Variants in SEPTIN7 observed in about 807,000 individuals in gnomAD.
SEPTIN7 encodes septin-7.
SEPTIN7 carries 10 observed loss-of-function variants against 63.3 expected under a neutral mutation model. The observed-to-expected ratio is 0.16, with a 90% CI of 0.10 to 0.27. SEPTIN7 has a LOEUF of 0.27. SEPTIN7 is among the 10% of genes least tolerant of loss of function. SEPTIN7 has a pLI of 1.00. For missense variants in SEPTIN7, 310 were observed against 521.0 expected (o/e 0.59, Z 3.94); for synonymous variants, 131 against 165.3 (o/e 0.79, Z 1.59).
At chr7:35,860,598 A>G (rs1196848431) in intron 3 of SEPTIN7, among the ~76,000 whole-genome samples, 1 of 152,162 alleles carries the variant, frequency 6.6e-6, no homozygotes, top group Non-Finnish European at 1.5e-5. Context: ...CTTGTTTTTA[A>G]TGGTCAGTTT....
At chr7:35,848,424 T>C (rs12701464) in intron 3 of SEPTIN7, among the ~76,000 whole-genome samples, 53,354 of 151,744 alleles carry the variant, frequency 0.35, 9,825 homozygotes, top group East Asian at 0.48. Flanking sequence ...CCCACCACCA[T>C]GCCCAGCTAA....
chr7:35,872,749 A>T lies in SEPTIN7; in HGVS notation c.360A>T (p.Ala120=). The part of the protein sequence containing the change: ...TIVDTPGFGD[A]VDNSNCWQPV... ...TTGATACCCCAGGATTTGGAGATGC[A>T]GTGGATAATAGTAATTGGTAAGAAG... Residue 120 remains alanine, a synonymous_variant, in exon 5 of 14, where the codon GCA becomes GCT. Transcript: ENST00000350320. 6.2e-7 allele frequency: 1 copy of T among 1,608,922 alleles called. No homozygotes were observed. The highest frequency in any genetic ancestry group is 8.5e-7 in the Non-Finnish European group (1 of 1,175,350).
At chr7:35,859,396 T>A (rs568136563) in intron 3 of SEPTIN7, among the ~76,000 whole-genome samples, 21 of 152,354 alleles carry the variant, frequency 1.4e-4, no homozygotes, top group South Asian at 4.1e-4. Context: ...TAAAATTTAT[T>A]AAGACTTGTT....
At chr7:35,863,220 G>C (rs1343206004) in intron 3 of SEPTIN7, among the ~76,000 whole-genome samples, 1 of 144,512 alleles carries the variant, frequency 6.9e-6, no homozygotes, top group Non-Finnish European at 1.5e-5. Flanking sequence ...CTCAAGCAGC[G>C]ACATATAATC....
chr7:35,899,068 C>T (rs1356614423), intron 12 of SEPTIN7: 1 of 151,960 alleles, frequency 6.6e-6, no homozygotes, highest in African/African-American at 2.4e-5. Context: ...ACATTTCCTT[C>T]AATAGGTGGC....
intron 10 of SEPTIN7, among the ~76,000 whole-genome samples, chr7:35,886,124 C>T (rs972413232): frequency 1.6e-4 from 24 of 152,034 alleles, no homozygotes; most frequent in African/African-American, 5.6e-4. Context: ...TACTTTGTGT[C>T]GAGATTTAAT....
At chr7:35,879,619 T>A (rs1786707733) in intron 6 of SEPTIN7, 1 of 420,620 alleles carries the variant, frequency 2.4e-6, no homozygotes, top group Non-Finnish European at 4.4e-6. Flanking sequence ...TGACCAGGGT[T>A]CAAGGGCAGG....
At chr7:35,888,523 TAATA>T (rs541823258) in intron 10 of SEPTIN7, among the ~76,000 whole-genome samples, 4 of 152,118 alleles carry the variant, frequency 2.6e-5, no homozygotes, top group East Asian at 1.9e-4. Context: ...ATGTAATATA[TAATA>T]AATAAAATCA....
At chr7:35,807,294 C>T (rs1378552988) in intron 1 of SEPTIN7, among the ~76,000 whole-genome samples, 2 of 151,018 alleles carry the variant, frequency 1.3e-5, no homozygotes, top group African/African-American at 4.9e-5. Context: ...AGTGATTCTC[C>T]TGCCTCAGCC....
intron 6 of SEPTIN7, among the ~76,000 whole-genome samples, chr7:35,876,432 A>G (rs1284148220): frequency 6.6e-6 from 1 of 152,244 alleles, no homozygotes; most frequent in Non-Finnish European, 1.5e-5. Flanking sequence ...ATATGAATTG[A>G]AAAACCATAA....
chr7:35,889,082 T>C (rs1213947692), intron 10 of SEPTIN7, among the ~76,000 whole-genome samples: 1 of 152,226 alleles, frequency 6.6e-6, no homozygotes, highest in Non-Finnish European at 1.5e-5. Context: ...CTGTGACGTA[T>C]ACTTGTACCA....
At chr7:35,881,712 A>C (rs1214003633) in intron 7 of SEPTIN7, among the ~76,000 whole-genome samples, 1 of 151,856 alleles carries the variant, frequency 6.6e-6, no homozygotes, top group Non-Finnish European at 1.5e-5. Context: ...GTTTAGGTAT[A>C]TTAGCCATTG....
intron 9 of SEPTIN7, among the ~76,000 whole-genome samples, chr7:35,884,567 A>G (rs1044195271): frequency 2.0e-5 from 3 of 152,174 alleles, no homozygotes; most frequent in African/African-American, 7.2e-5. Context: ...CAGGGAATCT[A>G]ATGAACCACC....
intron 1 of SEPTIN7, among the ~76,000 whole-genome samples, chr7:35,806,909 T>A (rs1788378862): frequency 6.6e-6 from 1 of 152,230 alleles, no homozygotes; most frequent in African/African-American, 2.4e-5. Context: ...CTTTGATAAA[T>A]GATAGGCCTG....
chr7:35,893,375 T>C (rs1787765230), intron 11 of SEPTIN7, among the ~76,000 whole-genome samples: 1 of 152,190 alleles, frequency 6.6e-6, no homozygotes, highest in South Asian at 2.1e-4. Flanking sequence ...AATCACACTT[T>C]GGTTTTAGAA....
intron 3 of SEPTIN7, among the ~76,000 whole-genome samples, chr7:35,850,820 CATTT>C (rs1327987059): frequency 6.6e-6 from 1 of 152,102 alleles, no homozygotes; most frequent in Non-Finnish European, 1.5e-5. Flanking sequence ...ATTCCTCGTT[CATTT>C]ATTTGATAAA....
intron 9 of SEPTIN7, among the ~76,000 whole-genome samples, chr7:35,884,590 T>C (rs1787110021): frequency 6.6e-6 from 1 of 152,232 alleles, no homozygotes; most frequent in Middle Eastern, 3.4e-3. Context: ...GAATCAAACA[T>C]TTGGAGAGAA....
chr7:35,898,558 A>G, intron 12 of SEPTIN7, 175 bp downstream of exon 12: 1 of 507,818 alleles, frequency 2.0e-6, no homozygotes, highest in East Asian at 2.9e-5. Context: ...TAATAAAATA[A>G]TACATACTTC....
chr7:35,889,981 A>G (rs932016808), intron 10 of SEPTIN7, among the ~76,000 whole-genome samples: 2 of 152,210 alleles, frequency 1.3e-5, no homozygotes, highest in African/African-American at 2.4e-5. Flanking sequence ...TTGCCACACC[A>G]TGTATATCCA....
Sources: gnomAD v4.1 joint callset for allele counts (sites outside exome capture counted in the v4.1 genomes callset) on GRCh38, gnomAD v4.1.1 for gene constraint, MANE v1.5 for transcripts, NCBI Gene and HGNC (gene_info 2026-07-23, HGNC 2026-07-21) for gene names.